The following PAX3 variants were observed in gnomAD, a reference collection of about 807,000 sequenced individuals.
The protein encoded by PAX3 is paired box 3.
Under a neutral mutation model 51.6 loss-of-function variants are expected in PAX3, and 14 were observed. The observed-to-expected ratio is 0.27, with a 90% confidence interval of 0.18 to 0.42. The LOEUF is 0.42. Among genes scored for constraint, PAX3 ranks in the 10% least tolerant of loss-of-function variants. PAX3 has a pLI of 1.00. For missense variants in PAX3, 540 were observed against 642.8 expected (o/e 0.84, Z 1.73); for synonymous variants, 280 against 253.4 (o/e 1.11, Z -1.00).
At chr2:222,277,442 G>A (rs1237423202) in intron 4 of PAX3, among the ~76,000 whole-genome samples, 1 of 152,116 alleles carries the variant, frequency 6.6e-6, no homozygotes, top group African/African-American at 2.4e-5. Context: ...GGGAGACGTG[G>A]ACCGTTTTTC....
At chr2:222,293,066 C>T (rs1361753047) in intron 4 of PAX3, among the ~76,000 whole-genome samples, 4 of 152,204 alleles carry the variant, frequency 2.6e-5, no homozygotes, top group Non-Finnish European at 5.9e-5. Context: ...GGTAAGGGCT[C>T]GGACCCAGCT....
chr2:222,272,456 T>G (rs1175064411), intron 4 of PAX3, among the ~76,000 whole-genome samples: 2 of 152,228 alleles, frequency 1.3e-5, no homozygotes, highest in South Asian at 2.1e-4. Flanking sequence ...TGCATAATTT[T>G]GGGGAAGACT....
chr2:222,212,867 C>T (rs1192910080), intron 7 of PAX3, among the ~76,000 whole-genome samples: 2 of 152,184 alleles, frequency 1.3e-5, no homozygotes, highest in African/African-American at 4.8e-5. Flanking sequence ...ATATCTAGCA[C>T]GGCTATGTAT....
chr2:222,294,048 C>A, intron 4 of PAX3, 119 bp downstream of exon 4: 1 of 1,569,110 alleles, frequency 6.4e-7, no homozygotes, highest in Non-Finnish European at 8.6e-7. Context: ...CGCAGAGACA[C>A]CGCGCATGAA....
At chr2:222,270,472 C>T (rs1405219510) in intron 4 of PAX3, among the ~76,000 whole-genome samples, 3 of 152,100 alleles carry the variant, frequency 2.0e-5, no homozygotes, top group Non-Finnish European at 4.4e-5. Context: ...ATAAAATTGT[C>T]GCTGCTAAGT....
chr2:222,245,671 A>C (rs1353850092), intron 4 of PAX3, among the ~76,000 whole-genome samples: 3 of 151,976 alleles, frequency 2.0e-5, no homozygotes, highest in Non-Finnish European at 4.4e-5. Context: ...AAAAGAGGGG[A>C]GAAAGAAGAG....
chr2:222,201,520 C>A, intron 8 of PAX3, 78 bp from the exon 9 acceptor site: 1 of 1,546,812 alleles, frequency 6.5e-7, no homozygotes, highest in Non-Finnish European at 8.9e-7. Flanking sequence ...TACAGGCTGA[C>A]AATGTCATAT....
intron 4 of PAX3, chr2:222,264,043 A>G (rs1283628384): frequency 1.3e-5 from 2 of 152,242 alleles, no homozygotes; most frequent in African/African-American, 4.8e-5. Context: ...CTATCCTGGT[A>G]GTGATGATGA....
chr2:222,232,387 T>C, intron 4 of PAX3, 104 bp from the exon 5 acceptor site: 2 of 899,692 alleles, frequency 2.2e-6, no homozygotes, highest in Non-Finnish European at 3.5e-6. Flanking sequence ...ATTACAGTGA[T>C]CCCTATACCT....
In PAX3 at chr2:222,258,072, T is replaced by G. The variant is rs557860546; in HGVS notation, c.587-25789A>C. Among the ~76,000 whole-genome samples the G allele has an allele frequency of 2.6e-5, 4 of 152,366 alleles. No individual in the cohort carries two copies. The East Asian group carries it at 5.8e-4, about 22-fold the overall frequency. ...AGAGTGCTTTCAAGTGTGTCTATAT[T>G]TTAAGTTAAATCCAATTAAGATGAA... On this transcript the variant is annotated intron_variant, in intron 4 of 8. Transcript: ENST00000392070.
intron 7 of PAX3, among the ~76,000 whole-genome samples, chr2:222,203,045 ATATATATATATG>A (rs1318484472): frequency 4.5e-5 from 6 of 133,192 alleles, no homozygotes; most frequent in African/African-American, 1.4e-4. Flanking sequence ...ATATATATAT[ATATATATATATG>A]AAGTGTTAAA....
intron 4 of PAX3, among the ~76,000 whole-genome samples, chr2:222,239,750 G>A (rs1438121964): frequency 6.6e-6 from 1 of 151,822 alleles, no homozygotes; most frequent in East Asian, 1.9e-4. Context: ...TAGGTAAAGG[G>A]GTCTCATTTT....
intron 4 of PAX3, among the ~76,000 whole-genome samples, chr2:222,244,123 A>C (rs2106114844): frequency 6.6e-6 from 1 of 152,312 alleles, no homozygotes; most frequent in African/African-American, 2.4e-5. Flanking sequence ...GAATTGGCAA[A>C]CCAGTCAAAA....
intron 5 of PAX3, among the ~76,000 whole-genome samples, chr2:222,223,658 C>T (rs1692281647): frequency 6.6e-6 from 1 of 152,196 alleles, no homozygotes; most frequent in Non-Finnish European, 1.5e-5. Context: ...ACTCCCGGCT[C>T]AGATCAGGTA....
intron 2 of PAX3, 96 bp from the exon 3 acceptor site, chr2:222,295,753 T>C (rs949257216): frequency 5.8e-6 from 8 of 1,391,268 alleles, no homozygotes; most frequent in Middle Eastern, 2.4e-4. Context: ...TGCTCCTCGC[T>C]GAATCCTCTG....
intron 4 of PAX3, among the ~76,000 whole-genome samples, chr2:222,238,265 G>C (rs919492690): frequency 6.6e-6 from 1 of 152,216 alleles, no homozygotes; most frequent in African/African-American, 2.4e-5. Flanking sequence ...GAATTAGAGA[G>C]TATGTCTTTG....
chr2:222,298,963 C>A lies in PAX3; in HGVS notation c.-348G>T. 2.2e-6 allele frequency: 1 copy of A among 456,202 alleles called. No individual in the cohort carries two copies. Among genetic ancestry groups the A allele is most frequent in the Non-Finnish European group, 4.0e-6 (1 of 249,382 alleles). The allele number at this position is 456,202 out of a possible 1,614,324, so 28.3% of individuals were successfully genotyped here. A position where few individuals can be genotyped will look rare whatever the true frequency, so the allele number is the denominator to read the frequency against. On this transcript the variant is annotated 5_prime_UTR_variant, in exon 1 of 9. Transcript: ENST00000392070. Reference sequence around the variant, plus strand: ...GGAGCCTGGTGAGGCTGGAGCGCGGCCTGCCTGAGTCTCCTCCTGTGGTGA... The same window carrying A: ...GGAGCCTGGTGAGGCTGGAGCGCGGACTGCCTGAGTCTCCTCCTGTGGTGA...
At chr2:222,201,564 A>AT in intron 8 of PAX3, 122 bp from the exon 9 acceptor site, 1 of 1,414,802 alleles carries the variant, frequency 7.1e-7, no homozygotes, top group Non-Finnish European at 9.9e-7. Context: ...TGAGACTAAT[A>AT]TTTTTATTCC....
chr2:222,272,257 C>T (rs1169150331), intron 4 of PAX3, among the ~76,000 whole-genome samples: 1 of 152,164 alleles, frequency 6.6e-6, no homozygotes, highest in African/African-American at 2.4e-5. Context: ...GTTGCATTAG[C>T]TTTAGTTCTT....
Sources: allele counts gnomAD v4.1 joint callset (sites outside exome capture counted in the v4.1 genomes callset), GRCh38; gene constraint gnomAD v4.1.1; transcripts MANE v1.5; gene names NCBI Gene and HGNC (gene_info 2026-07-23, HGNC 2026-07-21).